Variants in SERINC5 observed in about 807,000 individuals in gnomAD.
The protein encoded by SERINC5 is chromosome 5 open reading frame 12.
A neutral mutation model predicts 63.1 loss-of-function variants in SERINC5; 41 were observed. The ratio of observed to expected loss-of-function variants is 0.65; its 90% confidence interval spans 0.51 to 0.84. The LOEUF (loss-of-function observed/expected upper bound fraction) is 0.84, where lower values mean the gene tolerates loss of function less well. Among genes scored for constraint, SERINC5 ranks in the 40% least tolerant of loss-of-function variants. The pLI, the probability that SERINC5 is intolerant of heterozygous loss-of-function variation, is 0.00. For missense variants in SERINC5, 523 were observed against 573.0 expected (o/e 0.91, Z 0.89); for synonymous variants, 222 against 215.2 (o/e 1.03, Z -0.28).
At chr5:80,134,927 C>A (rs1185932280), downstream of SERINC5, among the ~76,000 whole-genome samples, 1 of 152,182 alleles carries the variant, frequency 6.6e-6, no homozygotes, top group Admixed American at 6.5e-5. Context: ...AGAAAACTCA[C>A]AATGTTTTTA....
At chr5:80,123,832 A>G (rs1188275694) in intron 11 of SERINC5, among the ~76,000 whole-genome samples, 1 of 152,144 alleles carries the variant, frequency 6.6e-6, no homozygotes. Context: ...GCTTATTCTG[A>G]TATCGTGTCC....
Position 80,142,546 on chromosome 5 carries a change from G to C in SERINC5, c.*1117C>G. On this transcript the variant is annotated 3_prime_UTR_variant, in exon 12 of 12. Transcript: ENST00000507668. Reference sequence around the variant, plus strand: ...ACACATTGCCTAACAAGCTTCTTCTGGTCAGTGTGTCTGAGATCCTCACCT... The same window carrying C: ...ACACATTGCCTAACAAGCTTCTTCTCGTCAGTGTGTCTGAGATCCTCACCT... 1 of 985,368 alleles carries C rather than the reference G, an allele frequency of 1.0e-6. No individual in the cohort carries two copies. Among genetic ancestry groups the C allele is most frequent in the Non-Finnish European group, 1.2e-6 (1 of 829,932 alleles). The allele number at this position is 985,368 out of a possible 1,614,324, so 61.0% of individuals were successfully genotyped here. A position where few individuals can be genotyped will look rare whatever the true frequency, so the allele number is the denominator to read the frequency against.
At chr5:80,146,330 G>A in intron 10 of SERINC5, 96 bp from the exon 11 acceptor site, 1 of 1,444,598 alleles carries the variant, frequency 6.9e-7, no homozygotes, top group African/African-American at 1.4e-5. Flanking sequence ...GCTGTCAGTA[G>A]AAAAGATGCC....
intron 2 of SERINC5, among the ~76,000 whole-genome samples, chr5:80,192,530 CTA>C (rs998064516): frequency 2.6e-5 from 4 of 151,996 alleles, no homozygotes; most frequent in Non-Finnish European, 5.9e-5. Context: ...GAGAATGTGT[CTA>C]TGAGCTTCCA....
intron 2 of SERINC5, among the ~76,000 whole-genome samples, chr5:80,196,197 A>C (rs984714705): frequency 6.6e-6 from 1 of 152,108 alleles, no homozygotes; most frequent in African/African-American, 2.4e-5. Context: ...TGTTTTTACA[A>C]GCAGATGCAC....
Position 80,255,930 on chromosome 5 carries a change from G to A in SERINC5, c.-8C>T, listed in dbSNP as rs1347222985. ...ACAGCACTGAGCTGACATCGCGGCGGCCAATGCCGAAGGCGCGCTCGCTGG... is the reference window on the plus strand; with the variant it reads ...ACAGCACTGAGCTGACATCGCGGCGACCAATGCCGAAGGCGCGCTCGCTGG... On this transcript the variant is annotated 5_prime_UTR_variant, in exon 1 of 12. Transcript: ENST00000507668. 2.6e-6 allele frequency: 4 copies of A among 1,552,888 alleles called. No individual in the cohort carries two copies. Among genetic ancestry groups the A allele is most frequent in the African/African-American group, 1.4e-5 (1 of 70,680 alleles).
At chr5:80,160,958 G>A (rs1416047615) in intron 7 of SERINC5, among the ~76,000 whole-genome samples, 1 of 135,866 alleles carries the variant, frequency 7.4e-6, no homozygotes. Flanking sequence ...ATATATATAT[G>A]TGTGTGTATA....
Position 80,142,145 on chromosome 5 carries a change from G to A in SERINC5, c.*1518C>T, listed in dbSNP as rs1306845807. 7.1e-6 allele frequency: 7 copies of A among 985,198 alleles called. No individual in the cohort carries two copies. Among genetic ancestry groups the A allele is most frequent in the African/African-American group, 1.7e-5 (1 of 57,192 alleles). The allele number at this position is 985,198 out of a possible 1,614,324, so 61.0% of individuals were successfully genotyped here. ...AGCTCGAGAAGATTCTTTCCACCCC[G>A]AATGAAATTCTAACAGGAGTTTCCA... On this transcript the variant is annotated 3_prime_UTR_variant, in exon 12 of 12. Coordinates refer to ENST00000507668, the MANE Select transcript of SERINC5 (RefSeq NM_001174072.3).
At position 80,177,316 on chromosome 5, in the gene SERINC5, G is replaced by A. The variant is rs377275255; in HGVS notation, c.456C>T (p.Asn152=). 38 of 1,609,628 alleles carry A rather than the reference G, an allele frequency of 2.4e-5. No individual in the cohort carries two copies. Among genetic ancestry groups the A allele is most frequent in the Admixed American group, 5.0e-5 (3 of 59,946 alleles). The change falls in exon 4 of 12, where the codon AAC becomes AAT. Residue 152 remains asparagine, a splice_region_variant and synonymous_variant. Coordinates refer to ENST00000507668, the MANE Select transcript of SERINC5 (RefSeq NM_001174072.3). The stretch of plus-strand genomic sequence containing the variant: ...ATACCCAAAATACCCCATTAGTACC[G>A]TTCAGAAAGGTGTCCTGATCTGGAA... The part of the protein sequence containing the change: ...FFIPDQDTFL[N]AWRYVGAVGG...
At chr5:80,229,226 G>A (rs1257732569) in intron 1 of SERINC5, among the ~76,000 whole-genome samples, 1 of 151,524 alleles carries the variant, frequency 6.6e-6, no homozygotes, top group Non-Finnish European at 1.5e-5. Flanking sequence ...GTTTCACCAT[G>A]TTGGCCAGGC....
At chr5:80,246,299 CAAAAA>C (rs779779746) in intron 1 of SERINC5, among the ~76,000 whole-genome samples, 1 of 151,870 alleles carries the variant, frequency 6.6e-6, no homozygotes, top group Non-Finnish European at 1.5e-5. Context: ...CAAAACAAAA[CAAAAA>C]AATGGAAAAG....
intron 1 of SERINC5, among the ~76,000 whole-genome samples, chr5:80,207,156 G>A (rs1750213652): frequency 6.6e-6 from 1 of 151,976 alleles, no homozygotes; most frequent in Non-Finnish European, 1.5e-5. Flanking sequence ...CCGCCACCAC[G>A]CCTGGCTAAT....
At chr5:80,137,155 AAAAAAAAAC>A (rs1392610349), downstream of SERINC5, among the ~76,000 whole-genome samples, 2,210 of 108,044 alleles carry the variant, frequency 0.02, 45 homozygotes, top group South Asian at 0.033. Flanking sequence ...AAAAAAAAAA[AAAAAAAAAC>A]AAAAAAAACA....
chr5:80,171,390 G>C (rs1380988541), intron 5 of SERINC5, among the ~76,000 whole-genome samples: 1 of 152,174 alleles, frequency 6.6e-6, no homozygotes, highest in East Asian at 1.9e-4. Flanking sequence ...TCTTCTTAGG[G>C]AGGAAAGAGA....
Position 80,139,130 on chromosome 5 carries a change from G to C in SERINC5, c.*4533C>G. ...ACATATTGCATTTTCAAATTCTAAT[G>C]TAGCAAAACGTAACCACATAATTTG... On this transcript the variant is annotated 3_prime_UTR_variant, in exon 12 of 12. Transcript: ENST00000507668. 1.0e-6 allele frequency: 1 copy of C among 985,134 alleles called. No individual in the cohort carries two copies. Among genetic ancestry groups the C allele is most frequent in the Non-Finnish European group, 1.2e-6 (1 of 829,686 alleles). The allele number at this position is 985,134 out of a possible 1,614,324, so 61.0% of individuals were successfully genotyped here. A position where few individuals can be genotyped will look rare whatever the true frequency, so the allele number is the denominator to read the frequency against.
At chr5:80,241,725 A>G (rs1580213227) in intron 1 of SERINC5, among the ~76,000 whole-genome samples, 1 of 152,128 alleles carries the variant, frequency 6.6e-6, no homozygotes, top group South Asian at 2.1e-4. Flanking sequence ...TAGGAATAAA[A>G]AAAAGAAGGG....
At chr5:80,120,745 G>A (rs1260286813) in intron 11 of SERINC5, among the ~76,000 whole-genome samples, 1 of 152,056 alleles carries the variant, frequency 6.6e-6, no homozygotes, top group Non-Finnish European at 1.5e-5. Flanking sequence ...AACCCAGGAG[G>A]CAGAGGTTGC....
intron 1 of SERINC5, among the ~76,000 whole-genome samples, chr5:80,228,750 C>T (rs1192333571): frequency 2.6e-5 from 4 of 152,104 alleles, no homozygotes; most frequent in Non-Finnish European, 4.4e-5. Flanking sequence ...TTTAAGTTGC[C>T]TAAATTCTCA....
downstream of SERINC5, among the ~76,000 whole-genome samples, chr5:80,135,627 CAAGTA>C (rs1190119755): frequency 1.3e-5 from 2 of 151,962 alleles, no homozygotes; most frequent in South Asian, 2.1e-4. Flanking sequence ...TCTGATAGGT[CAAGTA>C]AAGTAAGGAC....
Sources: allele counts gnomAD v4.1 joint callset (sites outside exome capture counted in the v4.1 genomes callset), GRCh38; gene constraint gnomAD v4.1.1; transcripts MANE v1.5; gene names NCBI Gene and HGNC (gene_info 2026-07-23, HGNC 2026-07-21).